GRM1: variants seen among roughly 807,000 people sequenced by gnomAD.
GRM1 encodes metabotropic glutamate receptor 1.
Under a neutral mutation model 90.9 loss-of-function variants are expected in GRM1, and 33 were observed. That is an observed-to-expected ratio of 0.36 (90% CI 0.28 to 0.49). The LOEUF is 0.49. Ranked by LOEUF, GRM1 falls within the 20% of genes least tolerant of loss-of-function variation. GRM1 has a pLI of 0.99. For missense variants in GRM1, 1,190 were observed against 1,534.3 expected, an observed-to-expected ratio of 0.78 and a Z score of 3.75; for synonymous variants, 700 against 613.2, an observed-to-expected ratio of 1.14 and a Z score of -2.09.
chr6:146,145,854 A>G (rs1322213138), intron 1 of GRM1, among the ~76,000 whole-genome samples: 1 of 152,114 alleles, frequency 6.6e-6, no homozygotes, highest in Non-Finnish European at 1.5e-5. Flanking sequence ...CCAGTCTGGG[A>G]CAGCTAGGTG....
intron 1 of GRM1, among the ~76,000 whole-genome samples, chr6:146,121,988 G>T (rs1439326268): frequency 2.6e-5 from 4 of 152,102 alleles, no homozygotes; most frequent in African/African-American, 9.7e-5. Flanking sequence ...GGATATCCTT[G>T]TTAACTTTCT....
At chr6:146,065,482 T>C (rs1433400045) in intron 1 of GRM1, among the ~76,000 whole-genome samples, 1 of 152,192 alleles carries the variant, frequency 6.6e-6, no homozygotes, top group East Asian at 1.9e-4. Context: ...CATACTTATC[T>C]TTTAGGGTAA....
Position 146,029,562 on chromosome 6 carries a change from G to A in GRM1, c.45G>A (p.Glu15=). The change falls in exon 1 of 8, where the codon GAG becomes GAA. Residue 15 remains glutamate (E), a synonymous_variant. Transcript: ENST00000282753. ...LLFFFPAIFL[E]VSLLPRSPGR... The stretch of plus-strand genomic sequence containing the variant: ...TTTTTTTCCCAGCGATCTTTTTGGA[G>A]GTGTCCCTTCTCCCCAGAAGCCCCG... 6.2e-7 allele frequency: 1 copy of A among 1,614,122 alleles called. No individual in the cohort carries two copies.
chr6:146,181,255 A>G (rs1778542781), intron 2 of GRM1, among the ~76,000 whole-genome samples: 2 of 152,130 alleles, frequency 1.3e-5, no homozygotes, highest in African/African-American at 4.8e-5. Flanking sequence ...AAAAACAAAA[A>G]AAACCACAAC....
intron 1 of GRM1, among the ~76,000 whole-genome samples, chr6:146,148,793 TA>T (rs1296845645): frequency 3.3e-5 from 5 of 152,096 alleles, no homozygotes; most frequent in African/African-American, 1.2e-4. Flanking sequence ...CAAGTATATA[TA>T]GTTTTGTGTG....
chr6:146,110,719 T>C lies in GRM1; in HGVS notation c.701-48629T>C, dbSNP rs376517154. 7.2e-5 allele frequency among the ~76,000 whole-genome samples: 11 copies of C among 152,270 alleles called. No individual in the cohort carries two copies. In the East Asian group the frequency reaches 1.7e-3, roughly 24 times the overall value. ...CTGTAAATGCTTGTTATTTAAGGCA[T>C]TTATTTTGTATTTCCTCATAGGCTG... On this transcript the variant is annotated intron_variant, in intron 1 of 7. Coordinates refer to ENST00000282753, the MANE Select transcript of GRM1 (RefSeq NM_001278064.2).
chr6:146,328,829 G>C (rs567783779), intron 3 of GRM1, among the ~76,000 whole-genome samples: 1 of 152,124 alleles, frequency 6.6e-6, no homozygotes, highest in Non-Finnish European at 1.5e-5. Context: ...AGGTGCAGTT[G>C]GGAATTTGTC....
intron 1 of GRM1, among the ~76,000 whole-genome samples, chr6:146,102,430 C>T (rs1019169307): frequency 6.6e-6 from 1 of 152,190 alleles, no homozygotes; most frequent in Non-Finnish European, 1.5e-5. Flanking sequence ...TTCTCCTAAA[C>T]TTCCTTCTCC....
At chr6:146,263,316 CTA>C (rs1186785095) in intron 2 of GRM1, among the ~76,000 whole-genome samples, 1 of 151,794 alleles carries the variant, frequency 6.6e-6, no homozygotes, top group Non-Finnish European at 1.5e-5. Context: ...ATAATTATAA[CTA>C]AATCACTGAA....
chr6:146,281,573 A>G (rs2114855757), intron 2 of GRM1, among the ~76,000 whole-genome samples: 1 of 152,360 alleles, frequency 6.6e-6, no homozygotes, highest in Non-Finnish European at 1.5e-5. Context: ...AATTTAGATT[A>G]TAATTATCAT....
chr6:146,187,627 G>A (rs982009824), intron 2 of GRM1, among the ~76,000 whole-genome samples: 4 of 151,682 alleles, frequency 2.6e-5, no homozygotes, highest in East Asian at 1.9e-4. Context: ...CATATTTCAC[G>A]GACAACAACA....
At chr6:146,253,122 G>A (rs1039486248) in intron 2 of GRM1, among the ~76,000 whole-genome samples, 4 of 152,030 alleles carry the variant, frequency 2.6e-5, no homozygotes, top group Admixed American at 6.6e-5. Flanking sequence ...TATTTAAATC[G>A]TGGAAAGTGC....
intron 1 of GRM1, among the ~76,000 whole-genome samples, chr6:146,152,422 T>C (rs182640381): frequency 6.6e-6 from 1 of 151,940 alleles, no homozygotes; most frequent in East Asian, 1.9e-4. Flanking sequence ...GTAGCATATA[T>C]GGCTCAGTAC....
At chr6:146,358,929 G>T (rs1425073319) in intron 5 of GRM1, among the ~76,000 whole-genome samples, 2 of 152,182 alleles carry the variant, frequency 1.3e-5, no homozygotes, top group Non-Finnish European at 2.9e-5. Context: ...TTTGATAGTT[G>T]TTATGACAAC....
At chr6:146,321,539 T>G (rs2209447) in intron 3 of GRM1, among the ~76,000 whole-genome samples, 2 of 152,084 alleles carry the variant, frequency 1.3e-5, no homozygotes, top group Non-Finnish European at 1.5e-5. Flanking sequence ...TTTTCTGTCT[T>G]GTTGATCTGT....
intron 2 of GRM1, among the ~76,000 whole-genome samples, chr6:146,284,050 G>A (rs1378168029): frequency 6.6e-6 from 1 of 152,164 alleles, no homozygotes; most frequent in African/African-American, 2.4e-5. Context: ...TATGGAAATG[G>A]GCTTGGGCCT....
intron 5 of GRM1, among the ~76,000 whole-genome samples, chr6:146,385,644 A>G (rs1196697797): frequency 6.6e-6 from 1 of 151,984 alleles, no homozygotes; most frequent in Non-Finnish European, 1.5e-5. Flanking sequence ...AAATGTAAAT[A>G]TATGGCTAAA....
rs1777024354 is a variant in GRM1 at position 146,100,801 on chromosome 6, A to C, written c.701-58547A>C. On this transcript the variant is annotated intron_variant, in intron 1 of 7. Coordinates refer to ENST00000282753, the MANE Select transcript of GRM1 (RefSeq NM_001278064.2). ...CTGCTGGTAATATGAAATTCATTGA[A>C]TCTATACATTCCTTTCAGGAGAGAG... Among the ~76,000 whole-genome samples the C allele has an allele frequency of 2.0e-5, 3 of 152,192 alleles. No individual in the cohort carries two copies. The South Asian group carries it at 6.2e-4, about 31-fold the overall frequency.
At chr6:146,151,547 C>T (rs1777335537) in intron 1 of GRM1, among the ~76,000 whole-genome samples, 1 of 152,144 alleles carries the variant, frequency 6.6e-6, no homozygotes, top group Admixed American at 6.5e-5. Context: ...GCCATGATGG[C>T]AGTTCGTACA....
Sources: gnomAD v4.1 joint callset for allele counts (sites outside exome capture counted in the v4.1 genomes callset) on GRCh38, gnomAD v4.1.1 for gene constraint, MANE v1.5 for transcripts, NCBI Gene and HGNC (gene_info 2026-07-23, HGNC 2026-07-21) for gene names.